VAV2: variants seen among roughly 807,000 people sequenced by gnomAD.
VAV2 encodes the protein guanine nucleotide exchange factor VAV2.
VAV2 carries 67 observed loss-of-function variants against 132.5 expected under a neutral mutation model. The observed-to-expected ratio is 0.51, with a 90% confidence interval of 0.42 to 0.62. VAV2 has a LOEUF of 0.62. VAV2 is among the 20% of genes least tolerant of loss of function. The pLI is 0.00. For missense variants in VAV2, 938 were observed against 1,153.6 expected (o/e 0.81, Z 2.71); for synonymous variants, 492 against 443.5 (o/e 1.11, Z -1.37).
chr9:133,931,488 C>CTCCCTTCTCCT (rs1303083850), intron 2 of VAV2, among the ~76,000 whole-genome samples: 2 of 152,144 alleles, frequency 1.3e-5, no homozygotes, highest in African/African-American at 2.4e-5. Context: ...CCTTTCTTCC[C>CTCCCTTCTCCT]TCCCTTCTGC....
At chr9:133,886,535 C>T (rs1029727829) in intron 2 of VAV2, among the ~76,000 whole-genome samples, 2 of 152,202 alleles carry the variant, frequency 1.3e-5, no homozygotes, top group Non-Finnish European at 2.9e-5. Context: ...CACACCTGAG[C>T]CTGGGCCCCG....
At chr9:133,929,954 TAAA>T (rs528449130) in intron 2 of VAV2, among the ~76,000 whole-genome samples, 4 of 152,170 alleles carry the variant, frequency 2.6e-5, no homozygotes, top group African/African-American at 7.2e-5. Flanking sequence ...AAATGCCACA[TAAA>T]AAACAGATAA....
At chr9:133,839,760 G>T (rs1027213588) in intron 3 of VAV2, among the ~76,000 whole-genome samples, 1 of 152,174 alleles carries the variant, frequency 6.6e-6, no homozygotes, top group Admixed American at 6.5e-5. Context: ...ACACGAGGAG[G>T]CATTTTCAAG....
intron 2 of VAV2, among the ~76,000 whole-genome samples, chr9:133,898,126 T>C (rs1839286745): frequency 1.3e-5 from 2 of 152,142 alleles, no homozygotes; most frequent in South Asian, 4.1e-4. Flanking sequence ...ACCCTGAGGC[T>C]GGGAGGGACC....
chr9:133,921,702 G>A (rs1349042643), intron 2 of VAV2, among the ~76,000 whole-genome samples: 1 of 152,224 alleles, frequency 6.6e-6, no homozygotes, highest in Non-Finnish European at 1.5e-5. Context: ...TACGGCCCAG[G>A]CCCTGCTCCC....
rs576555986 is a variant in VAV2 at position 133,928,034 on chromosome 9, T to C, written c.321+11069A>G. 5.9e-5 allele frequency: 9 copies of C among 152,112 alleles called. No homozygotes were observed. In the East Asian group the frequency reaches 9.7e-4, roughly 16 times the overall value. The allele number at this position is 152,112 out of a possible 1,614,324, so 9.4% of individuals were successfully genotyped here. ...ACCTGTAGGGACTCGGCTACCAAAA[T>C]TGAACCACCCTCCACCCTTGTCCAG... On this transcript the variant is annotated intron_variant, in intron 2 of 29. Coordinates refer to ENST00000371850, the MANE Select transcript of VAV2 (RefSeq NM_001134398.2). This position sits in a 1 kb window ranked among gnomAD's most constrained non-coding sequence, Gnocchi z 5.4.
At chr9:133,808,478 G>A (rs898895635) in intron 7 of VAV2, among the ~76,000 whole-genome samples, 2 of 152,230 alleles carry the variant, frequency 1.3e-5, no homozygotes, top group African/African-American at 4.8e-5. Flanking sequence ...GCCCAGGTGG[G>A]GTAGGGGAGG....
intron 2 of VAV2, among the ~76,000 whole-genome samples, chr9:133,908,799 G>A (rs139433984): frequency 6.6e-4 from 101 of 152,344 alleles, no homozygotes; most frequent in African/African-American, 2.4e-3. Flanking sequence ...GGCCCCCTCG[G>A]GAGCGGACTT....
Position 133,885,365 on chromosome 9 carries a change from C to T in VAV2, c.322-23933G>A, listed in dbSNP as rs191836771. 7.2e-4 allele frequency among the ~76,000 whole-genome samples: 109 copies of T among 152,346 alleles called. No individual in the cohort carries two copies. Among genetic ancestry groups the T allele is most frequent in the African/African-American group, 2.3e-3 (97 of 41,578 alleles). ...CAAGTTCAAGGTCGGTGTACTCAGGCATCCCTGTCACATCGATGAGCAAAC... is the reference window on the plus strand; with the variant it reads ...CAAGTTCAAGGTCGGTGTACTCAGGTATCCCTGTCACATCGATGAGCAAAC... On this transcript the variant is annotated intron_variant, in intron 2 of 29. Transcript: ENST00000371850. The surrounding 1 kb of genome is among the most constrained non-coding windows in gnomAD (Gnocchi z 5.0).
rs1835378266 is a variant in VAV2 at position 133,812,097 on chromosome 9, A to C, written c.552+17T>G. 6.2e-7 allele frequency: 1 copy of C among 1,611,640 alleles called. No individual in the cohort carries two copies. Among genetic ancestry groups the C allele is most frequent in the Non-Finnish European group, 8.5e-7 (1 of 1,178,334 alleles). ...GGGAAGGGAGGGGAAGGGAGGGAGG[A>C]GCGGGGCAGGGCTCACCATGGGCTG... On this transcript the variant is annotated intron_variant, in intron 5 of 29. Coordinates refer to ENST00000371850, the MANE Select transcript of VAV2 (RefSeq NM_001134398.2).
Position 133,809,152 on chromosome 9 carries a change from G to A in VAV2, c.568-14C>T, listed in dbSNP as rs1272171818. ...CATGCCCATTTTCTAGAGGAGGGAA[G>A]GGGGAGTCAGCAGGACCCCATGGGC... On this transcript the variant is annotated splice_polypyrimidine_tract_variant and intron_variant, in intron 6 of 29. Coordinates refer to ENST00000371850, the MANE Select transcript of VAV2 (RefSeq NM_001134398.2). The A allele has an allele frequency of 6.2e-7, 1 of 1,612,552 alleles. No individual in the cohort carries two copies. Among genetic ancestry groups the A allele is most frequent in the Admixed American group, 1.7e-5 (1 of 59,960 alleles).
chr9:133,793,462 A>C (rs2131628031), intron 12 of VAV2, among the ~76,000 whole-genome samples: 1 of 152,314 alleles, frequency 6.6e-6, no homozygotes, highest in Non-Finnish European at 1.5e-5. Flanking sequence ...GCTGTCTGAA[A>C]GGGGTGTTCC....
At chr9:133,974,285 CCCA>C (rs2132267553) in intron 1 of VAV2, among the ~76,000 whole-genome samples, 1 of 152,242 alleles carries the variant, frequency 6.6e-6, no homozygotes, top group South Asian at 2.1e-4. Context: ...AATACCCAGG[CCCA>C]CCACAACTCC....
At chr9:133,979,134 C>T (rs1191470810) in intron 1 of VAV2, among the ~76,000 whole-genome samples, 1 of 152,190 alleles carries the variant, frequency 6.6e-6, no homozygotes, top group Non-Finnish European at 1.5e-5. Flanking sequence ...GTGGTGGTGT[C>T]GGAGAGGCGA....
intron 2 of VAV2, among the ~76,000 whole-genome samples, chr9:133,870,006 T>C (rs1271866796): frequency 6.6e-6 from 1 of 152,174 alleles, no homozygotes; most frequent in Non-Finnish European, 1.5e-5. Context: ...TATCCTTCAT[T>C]TTTTTTTCTT....
chr9:133,980,460 G>A (rs1842658037), intron 1 of VAV2, among the ~76,000 whole-genome samples: 1 of 152,160 alleles, frequency 6.6e-6, no homozygotes, highest in South Asian at 2.1e-4. Context: ...CAGGGCAGAG[G>A]GGCCCTGGCA....
At chr9:133,943,106 C>T (rs542891804) in intron 1 of VAV2, among the ~76,000 whole-genome samples, 2 of 151,880 alleles carry the variant, frequency 1.3e-5, no homozygotes, top group East Asian at 3.9e-4. Flanking sequence ...ATGTCGACAT[C>T]GGCCAGGGCA....
Position 133,799,775 on chromosome 9 carries a change from T to C in VAV2, c.837-1966A>G, listed in dbSNP as rs183694557. 5.7e-4 allele frequency among the ~76,000 whole-genome samples: 87 copies of C among 152,192 alleles called. 1 individual carries two copies. The highest frequency in any genetic ancestry group is 1.8e-3 in the African/African-American group (73 of 41,534). ...GCAATCGAGAAAAAGGGTTTTCCCC[T>C]TTTAAAAAAAAATGAACAAAAGCTT... On this transcript the variant is annotated intron_variant, in intron 9 of 29. Transcript: ENST00000371850.
At chr9:133,793,617 ACCTGGC>A (rs1236443567) in intron 12 of VAV2, among the ~76,000 whole-genome samples, 1 of 152,188 alleles carries the variant, frequency 6.6e-6, no homozygotes, top group Non-Finnish European at 1.5e-5. Flanking sequence ...CCCTGCGTGC[ACCTGGC>A]CCAATGCCTG....
Sources: gnomAD v4.1 joint callset for allele counts (sites outside exome capture counted in the v4.1 genomes callset) on GRCh38, gnomAD v4.1.1 for gene constraint, Gnocchi (gnomAD v3.1) non-coding constraint, MANE v1.5 for transcripts, NCBI Gene and HGNC (gene_info 2026-07-23, HGNC 2026-07-21) for gene names.